The following PSD3 variants were observed in gnomAD, a reference collection of about 807,000 sequenced individuals.
PSD3 encodes pleckstrin and Sec7 domain containing 3.
A neutral mutation model predicts 105.5 loss-of-function variants in PSD3; 49 were observed. The ratio of observed to expected loss-of-function variants is 0.46; its 90% CI spans 0.37 to 0.59. The LOEUF is 0.59. Ranked by LOEUF, PSD3 falls within the 20% of genes least tolerant of loss-of-function variation. The pLI, the probability that PSD3 is intolerant of heterozygous loss-of-function variation, is 0.00. For synonymous variants in PSD3, 557 were observed against 457.8 expected, an observed-to-expected ratio of 1.22 and a Z score of -2.77; for missense variants, 1,561 against 1,263.8, an observed-to-expected ratio of 1.24 and a Z score of -3.57.
At chr8:18,916,557 G>A (rs1041916811) in intron 2 of PSD3, among the ~76,000 whole-genome samples, 1 of 151,808 alleles carries the variant, frequency 6.6e-6, no homozygotes, top group Non-Finnish European at 1.5e-5. Context: ...CAAAGAGTAC[G>A]ATGGTGGTTA....
intron 9 of PSD3, among the ~76,000 whole-genome samples, chr8:18,752,573 ATAATT>A (rs1339423284): frequency 8.7e-5 from 5 of 57,454 alleles, no homozygotes; most frequent in African/African-American, 1.9e-4. Flanking sequence ...TATTATATAT[ATAATT>A]ATATATATTA....
chr8:19,066,224 C>T lies in PSD3; in HGVS notation c.324+17982G>A, dbSNP rs111975350. Among the ~76,000 whole-genome samples the T allele has an allele frequency of 4.8e-3, 734 of 152,238 alleles. 11 individuals carry two copies. Among genetic ancestry groups the T allele is most frequent in the South Asian group, 0.028 (136 of 4,818 alleles). ...ACCAACTGGTAGATACTAGTTAGAA[C>T]GTCATTAAAATCATTACAGAGTTTT... On this transcript the variant is annotated intron_variant, in intron 1 of 1. Coordinates refer to the PSD3 transcript ENST00000521475.
chr8:18,544,771 G>T (rs562723463), intron 15 of PSD3, among the ~76,000 whole-genome samples: 26 of 152,334 alleles, frequency 1.7e-4, no homozygotes, highest in African/African-American at 6.0e-4. Flanking sequence ...TCTGCATTCT[G>T]TTCCCACACC....
chr8:18,602,835 A>G (rs919960363), intron 11 of PSD3, among the ~76,000 whole-genome samples: 3 of 152,178 alleles, frequency 2.0e-5, no homozygotes, highest in African/African-American at 7.2e-5. Context: ...TCTTCAAGCA[A>G]AACACAATGA....
chr8:18,562,665 G>A (rs959830964), intron 14 of PSD3, among the ~76,000 whole-genome samples: 5 of 152,132 alleles, frequency 3.3e-5, no homozygotes, highest in African/African-American at 1.2e-4. Context: ...GAGATGGGCG[G>A]ATCACTGAAG....
Position 18,530,406 on chromosome 8 carries a change from G to A in PSD3, c.*5337C>T, listed in dbSNP as rs1799586537. ...CCTAGGATACAGTACCCAATCCTGG[G>A]ATGCCCTGATATACTTTAGTGCTTG... On this transcript the variant is annotated 3_prime_UTR_variant, in exon 16 of 16. Transcript: ENST00000327040. 1 of 152,412 alleles carries A rather than the reference G, an allele frequency of 6.6e-6. No individual in the cohort carries two copies. The highest frequency in any genetic ancestry group is 1.5e-5 in the Non-Finnish European group (1 of 68,038). The allele number at this position is 152,412 out of a possible 1,614,324, so 9.4% of individuals were successfully genotyped here.
At chr8:18,601,367 C>G (rs1234766262) in intron 11 of PSD3, among the ~76,000 whole-genome samples, 1 of 152,150 alleles carries the variant, frequency 6.6e-6, no homozygotes, top group Non-Finnish European at 1.5e-5. Context: ...ACAGGGAGAG[C>G]CATTTACTCA....
intron 9 of PSD3, among the ~76,000 whole-genome samples, chr8:18,713,952 G>T (rs1343806808): frequency 6.6e-6 from 1 of 152,102 alleles, no homozygotes; most frequent in Non-Finnish European, 1.5e-5. Flanking sequence ...CAATGGAACA[G>T]AAAGAGAACT....
At chr8:18,741,608 T>C (rs1371696506) in intron 9 of PSD3, among the ~76,000 whole-genome samples, 1 of 152,204 alleles carries the variant, frequency 6.6e-6, no homozygotes, top group Non-Finnish European at 1.5e-5. Flanking sequence ...TCTACTCTTG[T>C]ACTGGCACTA....
In PSD3 at chr8:19,078,171, C is replaced by A. The variant is rs141126468; in HGVS notation, c.324+6035G>T. ...TCGGCCTCCCAAAGCGCTGGGATTA[C>A]AGGCATGAGTCACCGAGCCAAGCCA... On this transcript the variant is annotated intron_variant, in intron 1 of 1. Transcript: ENST00000521475. Among the ~76,000 whole-genome samples the A allele has an allele frequency of 1.7e-3, 264 of 152,168 alleles. 1 individual carries two copies. Among genetic ancestry groups the A allele is most frequent in the African/African-American group, 5.9e-3 (247 of 41,518 alleles).
At chr8:18,978,461 G>A (rs1320042463) in intron 1 of PSD3, among the ~76,000 whole-genome samples, 3 of 152,206 alleles carry the variant, frequency 2.0e-5, no homozygotes, top group Non-Finnish European at 4.4e-5. Flanking sequence ...CTTTTGCTAA[G>A]ATTCAAAAAA....
chr8:18,761,848 A>C (rs1037877040), intron 9 of PSD3, among the ~76,000 whole-genome samples: 8 of 152,208 alleles, frequency 5.3e-5, no homozygotes, highest in African/African-American at 1.9e-4. Flanking sequence ...AGGGTTAATC[A>C]GAAACTTGTA....
intron 9 of PSD3, among the ~76,000 whole-genome samples, chr8:18,700,507 T>C (rs921329836): frequency 2.0e-5 from 3 of 152,194 alleles, no homozygotes; most frequent in African/African-American, 7.2e-5. Flanking sequence ...GCTCCACTTC[T>C]AATAACCTGA....
chr8:18,556,390 A>AAAAG, intron 14 of PSD3, 38 bp from the exon 15 acceptor site: 1 of 1,588,546 alleles, frequency 6.3e-7, no homozygotes, highest in Non-Finnish European at 8.5e-7. Context: ...GTTCAAAAAA[A>AAAAG]AAACAAGTCA....
chr8:18,963,015 T>C (rs1824017242), intron 1 of PSD3, among the ~76,000 whole-genome samples: 1 of 152,196 alleles, frequency 6.6e-6, no homozygotes, highest in Non-Finnish European at 1.5e-5. Context: ...AGAGGTTTAA[T>C]TGGACTTAAA....
At chr8:18,644,586 A>C (rs13266647) in intron 10 of PSD3, among the ~76,000 whole-genome samples, 47,955 of 152,030 alleles carry the variant, frequency 0.32, 7,816 homozygotes, top group South Asian at 0.49. Context: ...CACTTAAGTA[A>C]TGTCTAAGAA....
chr8:18,683,557 C>G (rs1044570941), intron 9 of PSD3, among the ~76,000 whole-genome samples: 2 of 152,234 alleles, frequency 1.3e-5, no homozygotes, highest in Non-Finnish European at 2.9e-5. Context: ...CTTCCACAAA[C>G]TGGCTCTTTA....
chr8:18,602,336 G>A (rs1023525023), intron 11 of PSD3, among the ~76,000 whole-genome samples: 6 of 152,116 alleles, frequency 3.9e-5, no homozygotes, highest in African/African-American at 1.4e-4. Flanking sequence ...CAAGCGAAAT[G>A]TGATTTTAAA....
chr8:18,725,097 A>G (rs547336018), intron 9 of PSD3, among the ~76,000 whole-genome samples: 7 of 152,356 alleles, frequency 4.6e-5, no homozygotes, highest in African/African-American at 1.7e-4. Flanking sequence ...TCAGTGCAGC[A>G]AACAGGTTCT....
Sources: gnomAD v4.1 joint callset for allele counts (sites outside exome capture counted in the v4.1 genomes callset) on GRCh38, gnomAD v4.1.1 for gene constraint, MANE v1.5 for transcripts, NCBI Gene and HGNC (gene_info 2026-07-23, HGNC 2026-07-21) for gene names.